PRH1: variants seen among roughly 807,000 people sequenced by gnomAD.
PRH1 encodes the protein proline rich protein HaeIII subfamily 1.
A neutral mutation model predicts 7.9 loss-of-function variants in PRH1; 7 were observed. The observed-to-expected ratio is 0.89, with a 90% confidence interval of 0.50 to 1.67. PRH1 has a LOEUF of 1.67. Among genes scored for constraint, PRH1 ranks in the 40% most tolerant of loss-of-function variants. PRH1 has a pLI of 0.00. For missense variants in PRH1, 109 were observed against 223.6 expected (o/e 0.49, Z 3.27); for synonymous variants, 45 against 80.8 (o/e 0.56, Z 2.38).
At chr12:11,049,388 C>G (rs1242699933), upstream of PRH1, 3 of 209,832 alleles carry the variant, frequency 1.4e-5, no homozygotes, top group Non-Finnish European at 2.8e-5. Context: ...CCTTTAAATT[C>G]ATGACTAATT....
intron 2 of PRH1, among the ~76,000 whole-genome samples, chr12:10,892,600 C>T (rs538243472): frequency 1.2e-4 from 19 of 152,064 alleles, no homozygotes; most frequent in Admixed American, 9.8e-4. Context: ...TTGCTAAAAT[C>T]ATTATCAGAA....
chr12:10,914,860 G>T (rs1382311732), intron 2 of PRH1, among the ~76,000 whole-genome samples: 2 of 152,200 alleles, frequency 1.3e-5, no homozygotes, highest in Non-Finnish European at 2.9e-5. Flanking sequence ...TGGGCACGGT[G>T]GCTCACGCCT....
chr12:11,132,316 T>C, intron 1 of PRH1, among the ~76,000 whole-genome samples: 1 of 152,282 alleles, frequency 6.6e-6, no homozygotes, highest in Non-Finnish European at 1.5e-5. Context: ...CCATAATTTT[T>C]ATACTATTTT....
chr12:11,005,425 G>C (rs1362651946), intron 1 of PRH1, among the ~76,000 whole-genome samples: 2 of 152,104 alleles, frequency 1.3e-5, no homozygotes. Flanking sequence ...TATCTAAATT[G>C]TTAAAAGGAA....
intron 1 of PRH1, chr12:11,062,238 A>C: frequency 6.2e-7 from 1 of 1,613,344 alleles, no homozygotes; most frequent in Non-Finnish European, 8.5e-7. Flanking sequence ...CAAAATTTCC[A>C]ATCACAAATG....
chr12:11,170,915 A>C (rs951480515), intron 1 of PRH1, among the ~76,000 whole-genome samples: 1 of 151,928 alleles, frequency 6.6e-6, no homozygotes, highest in Non-Finnish European at 1.5e-5. Flanking sequence ...CCTAATATTA[A>C]TATTATGAAA....
chr12:10,921,906 A>G (rs1555107370), intron 2 of PRH1, among the ~76,000 whole-genome samples: 1 of 152,098 alleles, frequency 6.6e-6, no homozygotes, highest in Non-Finnish European at 1.5e-5. Flanking sequence ...AGCTGGGACT[A>G]CAAAGGTGCA....
chr12:10,973,509 T>C, intron 2 of PRH1: 1 of 540,316 alleles, frequency 1.9e-6, no homozygotes, highest in Non-Finnish European at 3.3e-6. Context: ...ACGCACACAA[T>C]AACAATACCC....
intron 1 of PRH1, among the ~76,000 whole-genome samples, chr12:11,053,130 A>C (rs75825399): frequency 6.4e-5 from 1 of 15,720 alleles, no homozygotes; most frequent in Non-Finnish European, 5.1e-4. Context: ...ACTCTGCTCA[A>C]AGGGAACTCA....
chr12:10,890,311 A>C (rs1221539083), intron 2 of PRH1, among the ~76,000 whole-genome samples: 1 of 152,146 alleles, frequency 6.6e-6, no homozygotes, highest in Non-Finnish European at 1.5e-5. Flanking sequence ...CCATACATAC[A>C]GATATAAAGA....
In PRH1 at chr12:11,086,110, C is replaced by CA. The variant is rs200314867; in HGVS notation, n.124-38923_124-38922insT. 7.2e-3 allele frequency among the ~76,000 whole-genome samples: 156 copies of CA among 21,778 alleles called. 2 individuals carry two copies. In the South Asian group the frequency reaches 0.18, roughly 25 times the overall value. 14.3% of individuals were successfully genotyped at this position (21,778 alleles called of 152,430 possible). ...CTCATTAACATAAACACATTCCCCC[C>CA]CCCACACACACACCCCTCATGGTTG... On this transcript the variant is annotated intron_variant and non_coding_transcript_variant, in intron 1 of 4. Coordinates refer to the PRH1 transcript ENST00000541977.
chr12:11,093,682 C>A (rs1393739229), intron 1 of PRH1, among the ~76,000 whole-genome samples: 1 of 115,378 alleles, frequency 8.7e-6, no homozygotes, highest in Non-Finnish European at 2.0e-5. Flanking sequence ...ATCCTCCTAT[C>A]ACAGGAAGAC....
chr12:10,950,573 ATGT>A (rs1240072825), intron 2 of PRH1, among the ~76,000 whole-genome samples: 1 of 151,770 alleles, frequency 6.6e-6, no homozygotes, highest in Non-Finnish European at 1.5e-5. Context: ...TATTTGTATT[ATGT>A]TGTTAACTTT....
intron 1 of PRH1, chr12:11,031,063 G>C (rs761224141): frequency 6.2e-7 from 1 of 1,614,266 alleles, no homozygotes; most frequent in Non-Finnish European, 8.5e-7. Context: ...TGAAATGGCC[G>C]GTTACTGCCC....
chr12:10,985,889 T>C lies in PRH1; in HGVS notation c.-125-12168A>G, dbSNP rs181476849. On this transcript the variant is annotated intron_variant, in intron 1 of 3. Transcript: ENST00000539853. ...TAAAATGTTCCAGACACTATCAGTT[T>C]GTTTTCTCCTAGAATACACACACAA... 1.2e-3 allele frequency: 1,736 copies of C among 1,425,462 alleles called. 18 individuals are homozygous for C. The highest frequency in any genetic ancestry group is 1.1e-4 in the Non-Finnish European group (114 of 1,051,584). The allele number at this position is 1,425,462 out of a possible 1,614,324, so 88.3% of individuals were successfully genotyped here.
chr12:11,102,722 C>T (rs1181153981), intron 1 of PRH1, among the ~76,000 whole-genome samples: 2 of 152,122 alleles, frequency 1.3e-5, no homozygotes, highest in African/African-American at 4.8e-5. Context: ...AGCTTCTGCA[C>T]AGCAAAAGAA....
At chr12:11,071,544 C>CCTGAGTTA (rs1478929410) in intron 1 of PRH1, among the ~76,000 whole-genome samples, 1 of 152,174 alleles carries the variant, frequency 6.6e-6, no homozygotes, top group Non-Finnish European at 1.5e-5. Context: ...CTCAGGTAGT[C>CCTGAGTTA]CTAAAGCTAA....
At position 11,057,041 on chromosome 12, in the gene PRH1, C is replaced by G. The variant is rs75685348; in HGVS notation, n.124-9853G>C. Among the ~76,000 whole-genome samples the G allele has an allele frequency of 2.2e-5, 3 of 136,552 alleles. No individual in the cohort carries two copies. In the East Asian group the frequency reaches 6.6e-4, roughly 30 times the overall value. 89.6% of individuals were successfully genotyped at this position (136,552 alleles called of 152,430 possible). ...TTTTCTTCTTAGACAGAGTCTCCCT[C>G]TGTTACCCAAGCTGGAGTACAGTGG... On this transcript the variant is annotated intron_variant and non_coding_transcript_variant, in intron 1 of 4. Coordinates refer to the PRH1 transcript ENST00000541977.
chr12:11,148,154 C>A (rs1466283108), intron 1 of PRH1, among the ~76,000 whole-genome samples: 5 of 141,686 alleles, frequency 3.5e-5, no homozygotes, highest in African/African-American at 5.1e-5. Flanking sequence ...TGAGACTTTG[C>A]TGAAGTTGCT....
Sources: gnomAD v4.1 joint callset for allele counts (sites outside exome capture counted in the v4.1 genomes callset) on GRCh38, gnomAD v4.1.1 for gene constraint, MANE v1.5 for transcripts, NCBI Gene and HGNC (gene_info 2026-07-23, HGNC 2026-07-21) for gene names.